Variants in LCTL observed in about 807,000 individuals in gnomAD.
LCTL encodes lactase-like protein.
A neutral mutation model predicts 75.8 loss-of-function variants in LCTL; 76 were observed. That is an observed-to-expected ratio of 1.00 (90% CI 0.83 to 1.21). The LOEUF is 1.21. LCTL is among the 50% of genes most tolerant of loss of function. The pLI is 0.00. For missense variants in LCTL, 670 were observed against 712.4 expected (o/e 0.94, Z 0.68); for synonymous variants, 271 against 268.8 (o/e 1.01, Z -0.08).
In LCTL at chr15:66,557,820, T is replaced by A. The variant is rs764572222; in HGVS notation, c.824A>T (p.Asp275Val). 32 of 1,613,950 alleles carry A rather than the reference T, an allele frequency of 2.0e-5. No homozygotes were observed. Among genetic ancestry groups the A allele is most frequent in the African/African-American group, 2.7e-5 (2 of 74,870 alleles). ...TAGGTATCTCTCGGCAGCCTCTAGG[T>A]CCTTGGGGTTACTAATGTCCACAGG... Residue 275 changes from aspartate to valine, a missense_variant, in exon 8 of 13, where the codon GAC (aspartate) becomes GTC (valine). Asp to Val is a radical substitution (Grantham distance 152). Transcript: ENST00000341509.
chr15:66,549,687 G>T (rs1292270610), intron 12 of LCTL: 1 of 165,092 alleles, frequency 6.1e-6, no homozygotes. Flanking sequence ...ACAAATATAA[G>T]ATCTCAAGTA....
chr15:66,553,951 T>C (rs2140838377), intron 8 of LCTL, among the ~76,000 whole-genome samples: 1 of 146,646 alleles, frequency 6.8e-6, no homozygotes, highest in South Asian at 2.2e-4. Flanking sequence ...AGATCAGGAG[T>C]TCGCGACCAG....
At chr15:66,556,237 T>C (rs1895735489) in intron 8 of LCTL, among the ~76,000 whole-genome samples, 1 of 152,182 alleles carries the variant, frequency 6.6e-6, no homozygotes, top group African/African-American at 2.4e-5. Context: ...TAGCTAAACA[T>C]GGAAGCAACC....
At chr15:66,561,426 G>T in intron 4 of LCTL, 111 bp from the exon 6 acceptor site, 1 of 1,195,598 alleles carries the variant, frequency 8.4e-7, no homozygotes, top group Non-Finnish European at 1.2e-6. Context: ...CGCACAGGGA[G>T]ACTGGGACTC....
At chr15:66,553,286 C>A (rs1895658651) in intron 8 of LCTL, 28 bp from the exon 10 acceptor site, 1 of 1,505,732 alleles carries the variant, frequency 6.6e-7, no homozygotes, top group Non-Finnish European at 8.9e-7. Flanking sequence ...TAGAATTTAA[C>A]AAAGCCTTAT....
At chr15:66,552,439 G>T (rs1475919015) in intron 9 of LCTL, among the ~76,000 whole-genome samples, 2 of 152,184 alleles carry the variant, frequency 1.3e-5, no homozygotes, top group Non-Finnish European at 2.9e-5. Flanking sequence ...GGGAGGCCAA[G>T]GTGGGCAGAT....
rs750175766 is a variant in LCTL, at chr15:66,561,119, A to G, written c.610-18T>C. On this transcript the variant is annotated intron_variant, in intron 5 of 12. Transcript: ENST00000341509. The stretch of plus-strand genomic sequence containing the variant: ...GCCATTGCCTATAGGGACAGCAAGC[A>G]GGACCACAGGATCCATAAGAAGTGG... 3.1e-6 allele frequency: 5 copies of G among 1,614,204 alleles called. No individual in the cohort carries two copies. In the South Asian group the frequency reaches 3.3e-5, roughly 11 times the overall value.
At chr15:66,564,405 T>C in intron 2 of LCTL, 1 of 486,136 alleles carries the variant, frequency 2.1e-6, no homozygotes, top group Non-Finnish European at 3.7e-6. Flanking sequence ...GCCCTTCAGC[T>C]CCCCCTTCAC....
At chr15:66,548,771 A>G (rs965927599) in intron 12 of LCTL, 166 bp from the exon 14 acceptor site, 6 of 449,848 alleles carry the variant, frequency 1.3e-5, no homozygotes, top group Non-Finnish European at 2.4e-5. Flanking sequence ...ATTAAATGTT[A>G]TTTGAAAATG....
Position 66,552,182 on chromosome 15 carries a change from CAT to C in LCTL, c.1198-15_1198-14del. ...CACCGTATTGAGTCTGAAAGTGAGT[CAT>C]AGCAACAAATATCTTAAAAATTCTG... On this transcript the variant is annotated splice_polypyrimidine_tract_variant and intron_variant, in intron 9 of 12. Transcript: ENST00000341509. The C allele has an allele frequency of 6.2e-7, 1 of 1,600,542 alleles. No homozygotes were observed. Among genetic ancestry groups the C allele is most frequent in the Non-Finnish European group, 8.5e-7 (1 of 1,176,452 alleles).
At chr15:66,558,695 T>A (rs1431104959) in intron 6 of LCTL, among the ~76,000 whole-genome samples, 1 of 149,030 alleles carries the variant, frequency 6.7e-6, no homozygotes, top group African/African-American at 2.5e-5. Flanking sequence ...GTGTTTTTTT[T>A]TTTTTTTTTT....
chr15:66,558,232 G>A (rs193093348), intron 6 of LCTL, among the ~76,000 whole-genome samples, 196 bp from the exon 8 acceptor site: 38 of 152,296 alleles, frequency 2.5e-4, no homozygotes, highest in Admixed American at 2.3e-3. Flanking sequence ...GAAACTTGAT[G>A]TAAGTCTGGC....
chr15:66,565,544 G>A (rs1008155734), upstream of LCTL: 26 of 564,638 alleles, frequency 4.6e-5, no homozygotes, highest in South Asian at 3.7e-4. Context: ...TGCTGTTTCC[G>A]TGCCTGGGGA....
rs151263197 is a variant in LCTL, at chr15:66,563,873, G to T, written c.370+38C>A. ...CTGCAAAGCCAACATTGCCGGAAGG[G>T]GCCTCACTTGGGTTCAAGAGGGGCT... is the stretch of plus-strand genomic sequence containing the variant. On this transcript the variant is annotated intron_variant, in intron 3 of 12. Transcript: ENST00000341509. The T allele has an allele frequency of 4.6e-5, 70 of 1,509,428 alleles. No individual in the cohort carries two copies. The African/African-American group carries it at 9.1e-4, about 20-fold the overall frequency. The allele number at this position is 1,509,428 out of a possible 1,614,324, so 93.5% of individuals were successfully genotyped here. A position where few individuals can be genotyped will look rare whatever the true frequency, so the allele number is the denominator to read the frequency against.
At chr15:66,548,703 A>T in intron 12 of LCTL, 98 bp from the exon 14 acceptor site, 1 of 513,398 alleles carries the variant, frequency 1.9e-6, no homozygotes, top group East Asian at 2.9e-5. Context: ...GGGAAAACTT[A>T]AAAAATAGCA....
intron 4 of LCTL, among the ~76,000 whole-genome samples, chr15:66,562,316 T>C (rs1310223610): frequency 6.7e-6 from 1 of 150,252 alleles, no homozygotes; most frequent in Non-Finnish European, 1.5e-5. Context: ...GACAGGAGAA[T>C]CACTCGAACC....
intron 4 of LCTL, among the ~76,000 whole-genome samples, chr15:66,561,755 T>C (rs1595710292): frequency 6.6e-6 from 1 of 152,088 alleles, no homozygotes; most frequent in Admixed American, 6.5e-5. Flanking sequence ...GGGATGTTAA[T>C]GGGGCAGGCT....
Position 66,564,671 on chromosome 15 carries a change from C to G in LCTL, c.282+5G>C, listed in dbSNP as rs753732906. On this transcript the variant is annotated splice_donor_5th_base_variant and intron_variant, in intron 2 of 12. Transcript: ENST00000341509. ...CACACACACACACTCACACCCCGCA[C>G]TCACCTGGACCTTGTAGTAGCCGTC... is the stretch of plus-strand genomic sequence containing the variant. 2 of 1,611,096 alleles carry G rather than the reference C, an allele frequency of 1.2e-6. No individual in the cohort carries two copies. Among genetic ancestry groups the G allele is most frequent in the Admixed American group, 1.7e-5 (1 of 59,976 alleles).
At chr15:66,558,687 G>GTTTTTT (rs11354993) in intron 6 of LCTL, among the ~76,000 whole-genome samples, 6 of 97,544 alleles carry the variant, frequency 6.2e-5, no homozygotes, top group East Asian at 2.8e-4. Flanking sequence ...GTGTGTGTGT[G>GTTTTTT]TTTTTTTTTT....
Sources: gnomAD v4.1 joint callset for allele counts (sites outside exome capture counted in the v4.1 genomes callset) on GRCh38, gnomAD v4.1.1 for gene constraint, MANE v1.5 for transcripts, NCBI Gene and HGNC (gene_info 2026-07-23, HGNC 2026-07-21) for gene names.